ADAMTS17: variants seen among roughly 807,000 people sequenced by gnomAD.
The protein encoded by ADAMTS17 is ADAM metallopeptidase with thrombospondin type 1 motif 17.
Under a neutral mutation model 141.5 loss-of-function variants are expected in ADAMTS17, and 113 were observed. That is an observed-to-expected ratio of 0.80 (90% CI 0.69 to 0.93). The LOEUF (loss-of-function observed/expected upper bound fraction) is 0.93. Among genes scored for constraint, ADAMTS17 ranks in the 40% least tolerant of loss-of-function variants. The probability of loss-of-function intolerance (pLI) is 0.00; values close to 1 mark genes in which losing one functional copy is unlikely to be tolerated. For missense variants in ADAMTS17, 1,659 were observed against 1,517.9 expected, an observed-to-expected ratio of 1.09 and a Z score of -1.54; for synonymous variants, 768 against 630.6, an observed-to-expected ratio of 1.22 and a Z score of -3.27.
At chr15:100,164,737 C>A (rs1344729233) in intron 8 of ADAMTS17, among the ~76,000 whole-genome samples, 1 of 152,170 alleles carries the variant, frequency 6.6e-6, no homozygotes, top group Non-Finnish European at 1.5e-5. Context: ...CCTTTATTCC[C>A]GTTCTTTCTC....
chr15:100,211,146 A>G (rs57856028), intron 7 of ADAMTS17, among the ~76,000 whole-genome samples: 4,549 of 150,984 alleles, frequency 0.03, 226 homozygotes, highest in African/African-American at 0.1. Context: ...AAATAAAAAT[A>G]CAAAAATTAG....
chr15:100,158,089 A>G (rs2039519297), intron 8 of ADAMTS17, among the ~76,000 whole-genome samples: 1 of 152,098 alleles, frequency 6.6e-6, no homozygotes, highest in African/African-American at 2.4e-5. Context: ...GGGTTTCACC[A>G]TGTTGGCCAG....
At chr15:100,173,903 G>A (rs1438802520) in intron 8 of ADAMTS17, among the ~76,000 whole-genome samples, 1 of 152,202 alleles carries the variant, frequency 6.6e-6, no homozygotes, top group Non-Finnish European at 1.5e-5. Context: ...TACCACTGAG[G>A]CCAAACATCA....
intron 7 of ADAMTS17, among the ~76,000 whole-genome samples, chr15:100,211,071 G>A (rs1332636079): frequency 6.6e-6 from 1 of 151,618 alleles, no homozygotes; most frequent in East Asian, 1.9e-4. Flanking sequence ...CTGCACTCCA[G>A]CCTGGGTGAT....
intron 18 of ADAMTS17, among the ~76,000 whole-genome samples, chr15:100,030,033 C>T (rs772096061): frequency 6.6e-6 from 1 of 152,170 alleles, no homozygotes; most frequent in Non-Finnish European, 1.5e-5. Context: ...AATAATCACC[C>T]GAGGCCTGAG....
chr15:100,092,675 G>A (rs894079232), intron 15 of ADAMTS17, among the ~76,000 whole-genome samples: 2 of 152,108 alleles, frequency 1.3e-5, no homozygotes, highest in African/African-American at 4.8e-5. Context: ...GGGCTCTAGA[G>A]GTAATTACTG....
chr15:99,976,430 G>T (rs761997940), intron 20 of ADAMTS17: 4 of 686,040 alleles, frequency 5.8e-6, no homozygotes, highest in Non-Finnish European at 7.7e-6. Flanking sequence ...TGGGACGATG[G>T]CCTCACAATG....
At chr15:100,197,771 A>T (rs1408369873) in intron 8 of ADAMTS17, among the ~76,000 whole-genome samples, 1 of 152,176 alleles carries the variant, frequency 6.6e-6, no homozygotes, top group Non-Finnish European at 1.5e-5. Context: ...GCCAACTACC[A>T]AACCCCTCTA....
At chr15:100,284,532 C>G (rs1288434281) in intron 3 of ADAMTS17, among the ~76,000 whole-genome samples, 1 of 152,142 alleles carries the variant, frequency 6.6e-6, no homozygotes, top group Non-Finnish European at 1.5e-5. Flanking sequence ...CGTGGACTTG[C>G]ATTCCTTTCC....
chr15:100,143,792 T>G (rs1457399659), intron 10 of ADAMTS17, among the ~76,000 whole-genome samples: 1 of 152,232 alleles, frequency 6.6e-6, no homozygotes, highest in Non-Finnish European at 1.5e-5. Context: ...CTGGTTAATA[T>G]TTGAAGCCTA....
At chr15:99,975,986 A>T in intron 21 of ADAMTS17, 59 bp downstream of exon 21, 1 of 1,502,396 alleles carries the variant, frequency 6.7e-7, no homozygotes, top group Non-Finnish European at 9.0e-7. Flanking sequence ...GTCAGGGAGG[A>T]CTTACTGGGC....
chr15:100,259,120 A>G (rs1320786552), intron 6 of ADAMTS17, among the ~76,000 whole-genome samples: 1 of 152,252 alleles, frequency 6.6e-6, no homozygotes, highest in Admixed American at 6.5e-5. Flanking sequence ...CACAGTATTT[A>G]TGAAAACTCT....
In ADAMTS17 at chr15:100,003,910, G is replaced by A. The variant is rs962059277; in HGVS notation, c.2592-6321C>T. On this transcript the variant is annotated intron_variant, in intron 18 of 21. Transcript: ENST00000268070. ...GTTTAATGGGGGCAGACCTTCAGCT[G>A]AAGAAGATAGAAAAGTTCTGTGTTT... 1.7e-4 allele frequency among the ~76,000 whole-genome samples: 26 copies of A among 152,206 alleles called. 1 individual carries two copies. Among genetic ancestry groups the A allele is most frequent in the Admixed American group, 1.6e-3 (25 of 15,280 alleles).
At chr15:100,115,015 T>C (rs971235915) in intron 13 of ADAMTS17, among the ~76,000 whole-genome samples, 6 of 152,100 alleles carry the variant, frequency 3.9e-5, no homozygotes, top group East Asian at 3.8e-4. Flanking sequence ...CAAAGTTGAG[T>C]TGAAATTTGA....
chr15:100,101,937 G>T (rs574177819), intron 14 of ADAMTS17, among the ~76,000 whole-genome samples: 1 of 152,200 alleles, frequency 6.6e-6, no homozygotes, highest in Non-Finnish European at 1.5e-5. Context: ...GTGACTCCAG[G>T]ATTTACTGGG....
Position 100,282,757 on chromosome 15 carries a change from C to G in ADAMTS17, c.617-1356G>C, listed in dbSNP as rs536483231. Among the ~76,000 whole-genome samples the G allele has an allele frequency of 2.7e-4, 41 of 151,300 alleles. No individual in the cohort carries two copies. In the South Asian group the frequency reaches 5.2e-3, roughly 19 times the overall value. ...CACAATTACAATCACAAAAAAGTGGCAAAAAAATGGAAATATACAACTATA... is the reference window on the plus strand; with the variant it reads ...CACAATTACAATCACAAAAAAGTGGGAAAAAAATGGAAATATACAACTATA... On this transcript the variant is annotated intron_variant, in intron 3 of 21. Coordinates refer to ENST00000268070, the MANE Select transcript of ADAMTS17 (RefSeq NM_139057.4).
intron 6 of ADAMTS17, among the ~76,000 whole-genome samples, chr15:100,261,091 C>T (rs1039978309): frequency 2.0e-5 from 3 of 152,160 alleles, no homozygotes; most frequent in Non-Finnish European, 4.4e-5. Context: ...ACCCTCAGTA[C>T]CTGTGAATGT....
intron 18 of ADAMTS17, among the ~76,000 whole-genome samples, chr15:100,038,296 A>T (rs1457417802): frequency 1.3e-5 from 2 of 152,214 alleles, no homozygotes. Flanking sequence ...GAAATTGGGA[A>T]GCATGAGGAC....
At chr15:100,269,615 C>A (rs191103714) in intron 4 of ADAMTS17, among the ~76,000 whole-genome samples, 2 of 152,188 alleles carry the variant, frequency 1.3e-5, no homozygotes, top group African/African-American at 4.8e-5. Flanking sequence ...CCAGAGCAGT[C>A]CTGTTCCCTG....
Sources: gnomAD v4.1 joint callset for allele counts (sites outside exome capture counted in the v4.1 genomes callset) on GRCh38, gnomAD v4.1.1 for gene constraint, MANE v1.5 for transcripts, NCBI Gene and HGNC (gene_info 2026-07-23, HGNC 2026-07-21) for gene names.